Variants in CNPY4 observed in about 807,000 individuals in gnomAD.
CNPY4 encodes protein canopy homolog 4.
CNPY4 carries 33 observed loss-of-function variants against 30.1 expected under a neutral mutation model. The observed-to-expected ratio is 1.10, with a 90% CI of 0.83 to 1.46. The LOEUF (loss-of-function observed/expected upper bound fraction) is 1.46, where lower values mean the gene tolerates loss of function less well. Among genes scored for constraint, CNPY4 ranks in the 40% most tolerant of loss-of-function variants. The probability of loss-of-function intolerance (pLI) is 0.00; values close to 1 mark genes in which losing one functional copy is unlikely to be tolerated. For synonymous variants in CNPY4, 109 were observed against 110.1 expected (o/e 0.99, Z 0.06); for missense variants, 324 against 302.6 (o/e 1.07, Z -0.52).
At chr7:100,120,633 C>A (rs997733485) in intron 1 of CNPY4, among the ~76,000 whole-genome samples, 1 of 152,200 alleles carries the variant, frequency 6.6e-6, no homozygotes, top group African/African-American at 2.4e-5. Context: ...CCTTTCACCT[C>A]CGTGTGCCGC....
At chr7:100,121,117 T>TATACA (rs1491228284) in intron 1 of CNPY4, 1 of 35,162 alleles carries the variant, frequency 2.8e-5, no homozygotes, top group Non-Finnish European at 4.9e-5. Context: ...TATATATATA[T>TATACA]TTTTTTTTTT....
In CNPY4 at chr7:100,122,610, C is replaced by G. The variant is rs765122649; in HGVS notation, c.342+33C>G. 13 of 1,560,166 alleles carry G rather than the reference C, an allele frequency of 8.3e-6. 1 individual carries two copies. The highest frequency in any genetic ancestry group is 1.1e-5 in the Non-Finnish European group (13 of 1,148,864). ...CCTTCCCCAGGGCAGGACCCCACTT[C>G]TCAGATACAAAGATCTGTATCCCCT... On this transcript the variant is annotated intron_variant, in intron 3 of 5. Coordinates refer to ENST00000262932, the MANE Select transcript of CNPY4 (RefSeq NM_152755.2).
At chr7:100,120,950 G>A (rs922945086) in intron 1 of CNPY4, among the ~76,000 whole-genome samples, 3 of 151,796 alleles carry the variant, frequency 2.0e-5, no homozygotes, top group Non-Finnish European at 4.4e-5. Flanking sequence ...GCATACAGAA[G>A]GAGCTCAATA....
chr7:100,123,027 G>A, intron 4 of CNPY4, 121 bp downstream of exon 4: 1 of 1,116,574 alleles, frequency 9.0e-7, no homozygotes, highest in Non-Finnish European at 1.2e-6. Flanking sequence ...CCAGAGTGAG[G>A]ACTGTGCCAT....
intron 4 of CNPY4, among the ~76,000 whole-genome samples, chr7:100,123,352 A>C (rs1485266952): frequency 6.9e-6 from 1 of 145,134 alleles, no homozygotes; most frequent in African/African-American, 2.9e-5. Context: ...AAAAAAAAAA[A>C]CAAAAACAAA....
intron 1 of CNPY4, chr7:100,121,116 A>ATATATATTGTTTTTTTT (rs1584585316): frequency 1.9e-5 from 1 of 52,800 alleles, no homozygotes; most frequent in African/African-American, 9.7e-5. Flanking sequence ...ATATATATAT[A>ATATATATTGTTTTTTTT]TTTTTTTTTT....
At chr7:100,121,659 G>A (rs1038235171) in intron 1 of CNPY4, among the ~76,000 whole-genome samples, 3 of 151,144 alleles carry the variant, frequency 2.0e-5, no homozygotes, top group Non-Finnish European at 4.4e-5. Flanking sequence ...GGGCCAGGCT[G>A]GTCTTGAACT....
At chr7:100,122,088 C>A in intron 1 of CNPY4, 171 bp from the exon 2 acceptor site, 4 of 638,516 alleles carry the variant, frequency 6.3e-6, no homozygotes, top group Non-Finnish European at 7.7e-6. Context: ...CGAGGCACAG[C>A]AAGCAGGAAG....
chr7:100,119,889 G>A, intron 1 of CNPY4, 27 bp downstream of exon 1: 4 of 1,565,790 alleles, frequency 2.6e-6, no homozygotes, highest in Non-Finnish European at 2.6e-6. Flanking sequence ...GCCCCTATAG[G>A]CATCGCCCGG....
rs905545790 is a variant in CNPY4, at chr7:100,119,657, G to T, written c.-88G>T. The T allele has an allele frequency of 1.2e-6, 2 of 1,610,690 alleles. No homozygotes were observed. Among genetic ancestry groups the T allele is most frequent in the African/African-American group, 1.3e-5 (1 of 74,728 alleles). The stretch of plus-strand genomic sequence containing the variant: ...ACCTTCCTCGGCTGGATTTAAGGTT[G>T]CCGCTAGCCGCCTGGGAATTTAAGG... On this transcript the variant is annotated 5_prime_UTR_variant, in exon 1 of 6. Transcript: ENST00000262932.
chr7:100,121,187 T>C (rs972881270), intron 1 of CNPY4: 2 of 133,944 alleles, frequency 1.5e-5, no homozygotes, highest in African/African-American at 5.6e-5. Flanking sequence ...TTGCCCAGGC[T>C]GGAGTGCAGT....
chr7:100,122,558 G>A lies in CNPY4; in HGVS notation c.323G>A (p.Gly108Asp). ...TATAGTGTTCACGCTGAGCGCAAGGGCTCACTGAGATATGCCAAGGTCAGA... is the reference window on the plus strand; with the variant it reads ...TATAGTGTTCACGCTGAGCGCAAGGACTCACTGAGATATGCCAAGGTCAGA... ...LDYSVHAERK[G>D]SLRYAKGQSQ... The change falls in exon 3 of 6, where the codon GGC (glycine) becomes GAC (aspartate). Residue 108 changes from glycine to aspartate, a missense_variant. Physicochemically the swap from Gly to Asp is moderately conservative, Grantham distance 94. Coordinates refer to ENST00000262932, the MANE Select transcript of CNPY4 (RefSeq NM_152755.2). 6.2e-7 allele frequency: 1 copy of A among 1,611,152 alleles called. No homozygotes were observed.
chr7:100,122,227 AC>A, intron 1 of CNPY4, 31 bp from the exon 2 acceptor site: 1 of 1,611,358 alleles, frequency 6.2e-7, no homozygotes, highest in Non-Finnish European at 8.5e-7. Flanking sequence ...TTTGTCTTTT[AC>A]CTCCCCCCGG....
At chr7:100,121,821 C>CGGGCGG (rs1427146919) in intron 1 of CNPY4, among the ~76,000 whole-genome samples, 2 of 151,700 alleles carry the variant, frequency 1.3e-5, no homozygotes, top group African/African-American at 4.8e-5. Flanking sequence ...GAGGCCAAGG[C>CGGGCGG]GGGCGGATCA....
chr7:100,122,378 AGCGTTT>A lies in CNPY4; in HGVS notation c.239_244del (p.Ser80_Ser82delinsThr). On this transcript the variant is annotated inframe_deletion and splice_region_variant, in exon 2 of 6. Transcript: ENST00000262932. ...CAAGAGGAAGAGACACGTGCCTTAC[AGCGTTT>A]CGTGAGTCCTTCGTGCTCCTCCCCT... The A allele has an allele frequency of 1.2e-6, 2 of 1,614,080 alleles. No individual in the cohort carries two copies. The highest frequency in any genetic ancestry group is 2.2e-5 in the South Asian group (2 of 91,068).
intron 4 of CNPY4, among the ~76,000 whole-genome samples, chr7:100,123,132 A>G (rs1798117630): frequency 1.3e-5 from 2 of 152,126 alleles, no homozygotes; most frequent in Admixed American, 1.3e-4. Context: ...ACCTGAGGTC[A>G]TAAGTTCGAG....
chr7:100,119,881 C>A lies in CNPY4; in HGVS notation c.118+19C>A. 1 of 1,584,804 alleles carries A rather than the reference C, an allele frequency of 6.3e-7. No homozygotes were observed. The highest frequency in any genetic ancestry group is 1.9e-5 in the Admixed American group (1 of 53,912). On this transcript the variant is annotated intron_variant, in intron 1 of 5. Transcript: ENST00000262932. Reference sequence around the variant, plus strand: ...TGCGAAGGTATTTGAAGGGGGTAGCCCCTATAGGCATCGCCCGGCCACACC... The same window carrying A: ...TGCGAAGGTATTTGAAGGGGGTAGCACCTATAGGCATCGCCCGGCCACACC...
chr7:100,125,030 G>A lies in CNPY4; in HGVS notation c.*142G>A. The A allele has an allele frequency of 1.0e-6, 1 of 976,340 alleles. No homozygotes were observed. Among genetic ancestry groups the A allele is most frequent in the Admixed American group, 2.6e-5 (1 of 38,154 alleles). The allele number at this position is 976,340 out of a possible 1,614,324, so 60.5% of individuals were successfully genotyped here. ...AGCTGTTCTCTCCCATCTAACCTCA[G>A]GCAAGATCCTGGTGAAACAGCATGA... is the stretch of plus-strand genomic sequence containing the variant. On this transcript the variant is annotated 3_prime_UTR_variant, in exon 6 of 6. Transcript: ENST00000262932.
chr7:100,120,696 A>G (rs1485978640), intron 1 of CNPY4, among the ~76,000 whole-genome samples: 1 of 152,146 alleles, frequency 6.6e-6, no homozygotes, highest in East Asian at 1.9e-4. Context: ...ACCTAATTGT[A>G]TCAGTCCTTG....
Sources: gnomAD v4.1 joint callset for allele counts (sites outside exome capture counted in the v4.1 genomes callset) on GRCh38, gnomAD v4.1.1 for gene constraint, MANE v1.5 for transcripts, NCBI Gene and HGNC (gene_info 2026-07-23, HGNC 2026-07-21) for gene names.